Variants in TTC28 observed in about 807,000 individuals in gnomAD.
TTC28 encodes the protein tetratricopeptide repeat protein 28.
In TTC28, 61 loss-of-function variants were observed where a neutral mutation model predicts 198.0. The observed-to-expected ratio is 0.31, with a 90% CI of 0.25 to 0.38. The LOEUF is 0.38. TTC28 is among the 10% of genes least tolerant of loss of function. The pLI, the probability that TTC28 is intolerant of heterozygous loss-of-function variation, is 1.00. For missense variants in TTC28, 2,678 were observed against 3,164.0 expected, an observed-to-expected ratio of 0.85 and a Z score of 3.69; for synonymous variants, 1,171 against 1,297.8, an observed-to-expected ratio of 0.90 and a Z score of 2.10.
intron 2 of TTC28, among the ~76,000 whole-genome samples, chr22:28,435,892 G>A (rs376517235): frequency 1.3e-5 from 2 of 152,170 alleles, no homozygotes; most frequent in East Asian, 1.9e-4. Context: ...TGGCACTCCT[G>A]CACTGATATC....
At chr22:28,508,989 G>C (rs376887868) in intron 2 of TTC28, among the ~76,000 whole-genome samples, 216 of 152,018 alleles carry the variant, frequency 1.4e-3, no homozygotes, top group Non-Finnish European at 2.5e-3. Context: ...CCAGGAGTTC[G>C]AGACCAGCCT....
intron 6 of TTC28, among the ~76,000 whole-genome samples, chr22:28,110,293 A>G (rs550132076): frequency 3.3e-4 from 51 of 152,328 alleles, no homozygotes; most frequent in African/African-American, 1.2e-3. Flanking sequence ...AACTGGACTT[A>G]GGGTAAATCA....
chr22:28,099,211 C>A (rs536276375), intron 9 of TTC28, among the ~76,000 whole-genome samples, 167 bp from the exon 10 acceptor site: 8 of 152,186 alleles, frequency 5.3e-5, no homozygotes, highest in Admixed American at 4.6e-4. Context: ...GGATGTGCTG[C>A]GGTCAAGAAT....
At position 27,982,296 on chromosome 22, in the gene TTC28, G is replaced by A. The variant is rs1228113470; in HGVS notation, c.7371C>T (p.Arg2457=). Reference sequence around the variant, plus strand: ...CATTTCCAGAAGGAAGCCTCAAAGGGCGCGCGGGGGCTGTGGCGGGAGGGC... The same window carrying A: ...CATTTCCAGAAGGAAGCCTCAAAGGACGCGCGGGGGCTGTGGCGGGAGGGC... ...PAGPPATAPA[R]PLRLPSGNGY... The change falls in exon 23 of 23, where the codon CGC becomes CGT. Residue 2457 remains arginine, a synonymous_variant. Coordinates refer to ENST00000397906, the MANE Select transcript of TTC28 (RefSeq NM_001145418.2). The surrounding 1 kb of genome is among the most constrained non-coding windows in gnomAD (Gnocchi z 5.2). 43 of 1,508,796 alleles carry A rather than the reference G, an allele frequency of 2.8e-5. No individual in the cohort carries two copies. The highest frequency in any genetic ancestry group is 3.7e-5 in the Non-Finnish European group (42 of 1,127,166). 93.5% of individuals were successfully genotyped at this position (1,508,796 alleles called of 1,614,324 possible). A position where few individuals can be genotyped will look rare whatever the true frequency, so the allele number is the denominator to read the frequency against.
Position 28,105,722 on chromosome 22 carries a change from T to A in TTC28, c.2864A>T (p.Asn955Ile). ...VVAHELGEAF[N>I]KAQAYGELGS... ...CAGCTCTCCATAGGCCTGGGCTTTATTGAAGGCCTCTCCAAGTTCATGAGC... is the reference window on the plus strand; with the variant it reads ...CAGCTCTCCATAGGCCTGGGCTTTAATGAAGGCCTCTCCAAGTTCATGAGC... Residue 955 changes from asparagine to isoleucine, a missense_variant, in exon 8 of 23, where the codon AAT (asparagine) becomes ATT (isoleucine). Physicochemically the swap from Asn to Ile is moderately radical, Grantham distance 149. This residue lies in a region of TTC28 where 6 missense variants were observed against 25.8 expected (regional missense o/e 0.23). Transcript: ENST00000397906. The A allele has an allele frequency of 6.4e-7, 1 of 1,551,814 alleles. No individual in the cohort carries two copies. Among genetic ancestry groups the A allele is most frequent in the African/African-American group, 1.4e-5 (1 of 73,174 alleles).
At chr22:28,089,131 A>G (rs1289206601) in intron 12 of TTC28, among the ~76,000 whole-genome samples, 3 of 152,194 alleles carry the variant, frequency 2.0e-5, no homozygotes, top group Non-Finnish European at 4.4e-5. Context: ...CTAGAACTAG[A>G]AATACCATTT....
chr22:28,447,380 T>G (rs1013988763), intron 2 of TTC28, among the ~76,000 whole-genome samples: 3 of 152,224 alleles, frequency 2.0e-5, no homozygotes, highest in Admixed American at 6.5e-5. Flanking sequence ...TAAATTTTCA[T>G]GAGAAGCTAA....
intron 2 of TTC28, among the ~76,000 whole-genome samples, chr22:28,565,525 C>T (rs893181327): frequency 6.6e-6 from 1 of 152,158 alleles, no homozygotes; most frequent in South Asian, 2.1e-4. Flanking sequence ...TCTGCACTTC[C>T]CAGCCAAGCT....
intron 12 of TTC28, among the ~76,000 whole-genome samples, chr22:28,090,675 T>A (rs1020082180): frequency 6.6e-6 from 1 of 152,206 alleles, no homozygotes; most frequent in Non-Finnish European, 1.5e-5. Flanking sequence ...GCCTGCTCAT[T>A]CACTGCATCC....
Position 28,030,378 on chromosome 22 carries a change from A to T in TTC28, c.3933-12T>A. ...TGCTGGCACAGGCCCTGCAGGAAAA[A>T]TTGCAGAAAAAGCCAATCAGAGAAA... On this transcript the variant is annotated splice_polypyrimidine_tract_variant and intron_variant, in intron 12 of 22. Transcript: ENST00000397906. 6.4e-7 allele frequency: 1 copy of T among 1,551,654 alleles called. No homozygotes were observed. The highest frequency in any genetic ancestry group is 1.2e-5 in the South Asian group (1 of 84,022).
rs1937043453 is a variant in TTC28, at chr22:27,982,240, A to G, written c.7427T>C (p.Phe2476Ser). Residue 2476 changes from phenylalanine to serine, a missense_variant, in exon 23 of 23, where the codon TTC (phenylalanine) becomes TCC (serine). This residue lies in a region of TTC28 where 622 missense variants were observed against 656.0 expected (regional missense o/e 0.95). Coordinates refer to ENST00000397906, the MANE Select transcript of TTC28 (RefSeq NM_001145418.2). The surrounding 1 kb of genome is among the most constrained non-coding windows in gnomAD (Gnocchi z 5.2). ...GYKFLSPGRF[F>S]PSSKC ...GATGCTTTAGCATTTGGAAGAAGGGAAAAATCTTCCTGGAGACAGGAACTT... is the reference window on the plus strand; with the variant it reads ...GATGCTTTAGCATTTGGAAGAAGGGGAAAATCTTCCTGGAGACAGGAACTT... 4.1e-6 allele frequency: 6 copies of G among 1,465,592 alleles called. No individual in the cohort carries two copies. Among genetic ancestry groups the G allele is most frequent in the Non-Finnish European group, 5.4e-6 (6 of 1,108,316 alleles). 90.8% of individuals were successfully genotyped at this position (1,465,592 alleles called of 1,614,324 possible).
chr22:28,168,860 G>C (rs1000956230), intron 5 of TTC28, among the ~76,000 whole-genome samples: 1 of 152,108 alleles, frequency 6.6e-6, no homozygotes, highest in African/African-American at 2.4e-5. Context: ...CACAGCAAAA[G>C]AAACTACCAT....
At chr22:28,623,441 T>G (rs987892738) in intron 2 of TTC28, among the ~76,000 whole-genome samples, 2 of 152,188 alleles carry the variant, frequency 1.3e-5, no homozygotes, top group Admixed American at 6.5e-5. Flanking sequence ...AAAATCTTAG[T>G]TCAAGATTTT....
intron 1 of TTC28, among the ~76,000 whole-genome samples, chr22:28,648,431 T>C (rs960002009): frequency 1.3e-5 from 2 of 152,188 alleles, no homozygotes; most frequent in Non-Finnish European, 2.9e-5. Flanking sequence ...TAAAACAGTA[T>C]GGCAATTTCT....
Position 28,105,642 on chromosome 22 carries a change from G to T in TTC28, c.2944C>A (p.Arg982Ser), listed in dbSNP as rs996899340. Residue 982 changes from arginine to serine, a missense_variant, in exon 8 of 23, where the codon CGC becomes AGC. This residue lies in a region of TTC28 where 727 missense variants were observed against 861.9 expected (regional missense o/e 0.84). Coordinates refer to ENST00000397906, the MANE Select transcript of TTC28 (RefSeq NM_001145418.2). ...NYEQAISCLE[R>S]QLNIARDMKD... ...ATATCTCTAGCAATGTTCAGCTGGC[G>T]TTCAAGGCAGGAAATGGCTTGTTCG... 1.9e-6 allele frequency: 3 copies of T among 1,552,082 alleles called. No homozygotes were observed. Among genetic ancestry groups the T allele is most frequent in the Admixed American group, 3.9e-5 (2 of 51,000 alleles).
chr22:28,304,216 C>CGG (rs763263935), intron 3 of TTC28, among the ~76,000 whole-genome samples: 201 of 151,476 alleles, frequency 1.3e-3, no homozygotes, highest in Middle Eastern at 3.4e-3. Context: ...ACCCGGGAGG[C>CGG]GGAGCTTGCA....
Position 28,679,714 on chromosome 22 carries a change from A to G in TTC28, c.10T>C (p.Ser4Pro). The change falls in exon 1 of 23, where the codon TCG becomes CCG. Residue 4 changes from serine to proline, a missense_variant. Transcript: ENST00000397906. ...GTCGGCTCGGGCGCCGGCGGCGGCG[A>G]CTGCTCCATCCCCACGGGGCCCGGG... is the stretch of plus-strand genomic sequence containing the variant. MEQ[S>P]PPPAPEPTQG... 2 of 1,270,624 alleles carry G rather than the reference A, an allele frequency of 1.6e-6. No homozygotes were observed. Among genetic ancestry groups the G allele is most frequent in the Middle Eastern group, 3.1e-4 (1 of 3,260 alleles). The allele number at this position is 1,270,624 out of a possible 1,614,324, so 78.7% of individuals were successfully genotyped here. A position where few individuals can be genotyped will look rare whatever the true frequency, so the allele number is the denominator to read the frequency against.
chr22:28,362,248 A>G (rs770375936), intron 2 of TTC28, among the ~76,000 whole-genome samples: 11 of 152,180 alleles, frequency 7.2e-5, no homozygotes, highest in Non-Finnish European at 1.5e-4. Flanking sequence ...GATAGTGAAT[A>G]AGTCTCATGA....
chr22:28,082,982 CA>C (rs1429925782), intron 12 of TTC28, among the ~76,000 whole-genome samples: 3 of 151,022 alleles, frequency 2.0e-5, no homozygotes, highest in East Asian at 3.9e-4. Context: ...GTAGGTCATT[CA>C]AAATGTATTT....
Sources: allele counts gnomAD v4.1 joint callset (sites outside exome capture counted in the v4.1 genomes callset), GRCh38; gene constraint gnomAD v4.1.1; regional missense constraint gnomAD v4.1.1; non-coding constraint Gnocchi (gnomAD v3.1); transcripts MANE v1.5; gene names NCBI Gene and HGNC (gene_info 2026-07-23, HGNC 2026-07-21).